The following GRHL2 variants were observed in gnomAD, a reference collection of about 807,000 sequenced individuals.
GRHL2 encodes the protein grainyhead-like protein 2 homolog.
In GRHL2, 21 loss-of-function variants were observed where a neutral mutation model predicts 83.8. That is an observed-to-expected ratio of 0.25 (90% CI 0.18 to 0.36). GRHL2 has a LOEUF of 0.36. GRHL2 is among the 10% of genes least tolerant of loss of function. GRHL2 has a pLI of 1.00. For synonymous variants in GRHL2, 280 were observed against 278.9 expected, an observed-to-expected ratio of 1.00 and a Z score of -0.04; for missense variants, 623 against 781.8, an observed-to-expected ratio of 0.80 and a Z score of 2.42.
At chr8:101,588,296 C>T (rs1018595039) in intron 7 of GRHL2, among the ~76,000 whole-genome samples, 1 of 152,166 alleles carries the variant, frequency 6.6e-6, no homozygotes, top group African/African-American at 2.4e-5. Flanking sequence ...TAAACTGTAA[C>T]GGCAACAGCA....
At chr8:101,631,263 T>A (rs2130397031) in intron 9 of GRHL2, among the ~76,000 whole-genome samples, 1 of 152,350 alleles carries the variant, frequency 6.6e-6, no homozygotes, top group South Asian at 2.1e-4. Context: ...ATAAATTTAA[T>A]GGGTCAATGA....
intron 1 of GRHL2, among the ~76,000 whole-genome samples, chr8:101,510,892 T>G (rs983052221): frequency 6.6e-6 from 1 of 152,058 alleles, no homozygotes; most frequent in Non-Finnish European, 1.5e-5. Flanking sequence ...GCCAGGAGTT[T>G]GAGGCCAGCC....
Position 101,594,906 on chromosome 8 carries a change from C to T in GRHL2, c.1004-4151C>T, listed in dbSNP as rs4734543. On this transcript the variant is annotated intron_variant, in intron 7 of 15. Transcript: ENST00000646743. ...AGAAATGTTGGTGATAAATAGTAAA[C>T]GAATAAATAAAATACTTGTACATGC... is the stretch of plus-strand genomic sequence containing the variant. Among the ~76,000 whole-genome samples, 624 of 152,064 alleles carry T rather than the reference C, an allele frequency of 4.1e-3. 5 individuals carry two copies. The highest frequency in any genetic ancestry group is 0.015 in the Admixed American group (223 of 15,284).
At chr8:101,580,427 C>T (rs1320358727) in intron 7 of GRHL2, among the ~76,000 whole-genome samples, 1 of 152,152 alleles carries the variant, frequency 6.6e-6, no homozygotes, top group African/African-American at 2.4e-5. Flanking sequence ...TGTGTTTGTA[C>T]CCATTAACCA....
At chr8:101,679,645 GA>G in the GRHL2 span, among the ~76,000 whole-genome samples, 4 of 151,516 alleles carry the variant, frequency 2.6e-5, no homozygotes, top group Non-Finnish European at 5.9e-5. Flanking sequence ...AAGTTGAAAT[GA>G]AGGAAAAAAT....
At chr8:101,674,949 G>C in the GRHL2 span, among the ~76,000 whole-genome samples, 1 of 152,074 alleles carries the variant, frequency 6.6e-6, no homozygotes, top group Non-Finnish European at 1.5e-5. Flanking sequence ...CAGAACCAAG[G>C]ACAAAAACCA....
intron 11 of GRHL2, among the ~76,000 whole-genome samples, chr8:101,633,692 A>G (rs1236075827): frequency 6.6e-6 from 1 of 152,126 alleles, no homozygotes; most frequent in Non-Finnish European, 1.5e-5. Context: ...AGGGAGGAAG[A>G]ATTTTATAAT....
At chr8:101,630,570 G>A (rs2130395270) in intron 9 of GRHL2, among the ~76,000 whole-genome samples, 1 of 152,248 alleles carries the variant, frequency 6.6e-6, no homozygotes, top group South Asian at 2.1e-4. Context: ...ATGATTTGGG[G>A]ACAATTTCGG....
chr8:101,509,557 C>A (rs1326021365), intron 1 of GRHL2, among the ~76,000 whole-genome samples: 1 of 152,110 alleles, frequency 6.6e-6, no homozygotes, highest in Non-Finnish European at 1.5e-5. Context: ...GAGCCAGCTG[C>A]TTTAATCAGG....
intron 5 of GRHL2, among the ~76,000 whole-genome samples, 199 bp downstream of exon 5, chr8:101,570,593 C>T (rs889466933): frequency 2.6e-5 from 4 of 152,170 alleles, no homozygotes; most frequent in Non-Finnish European, 5.9e-5. Context: ...CTGGGACCTA[C>T]ACCCCTTTTC....
At chr8:101,586,792 G>A (rs944274089) in intron 7 of GRHL2, among the ~76,000 whole-genome samples, 1 of 152,168 alleles carries the variant, frequency 6.6e-6, no homozygotes, top group African/African-American at 2.4e-5. Flanking sequence ...GCAGGCCTGT[G>A]CCTGGTTCAC....
intron 8 of GRHL2, among the ~76,000 whole-genome samples, chr8:101,615,332 G>C (rs1016731352): frequency 6.6e-6 from 1 of 152,186 alleles, no homozygotes; most frequent in Non-Finnish European, 1.5e-5. Flanking sequence ...GAGCTGATAA[G>C]GCCACATTTA....
chr8:101,632,142 A>C, intron 10 of GRHL2, 84 bp from the exon 11 acceptor site: 1 of 1,460,282 alleles, frequency 6.8e-7, no homozygotes, highest in Non-Finnish European at 9.6e-7. Context: ...TCATATGAGA[A>C]AATCGTGGAC....
At chr8:101,541,339 G>A (rs556037819) in intron 1 of GRHL2, among the ~76,000 whole-genome samples, 4 of 152,078 alleles carry the variant, frequency 2.6e-5, no homozygotes, top group African/African-American at 9.6e-5. Context: ...TAAATACCTA[G>A]CGATGGGATT....
chr8:101,555,068 C>T (rs1433139897), intron 3 of GRHL2, among the ~76,000 whole-genome samples: 1 of 152,190 alleles, frequency 6.6e-6, no homozygotes, highest in Non-Finnish European at 1.5e-5. Context: ...AATATTTTGA[C>T]TTGTATTCTT....
intron 9 of GRHL2, among the ~76,000 whole-genome samples, chr8:101,621,939 G>A (rs1586150929): frequency 6.6e-6 from 1 of 152,064 alleles, no homozygotes; most frequent in African/African-American, 2.4e-5. Context: ...AAAAAAGTAG[G>A]GGGATGGAAT....
Position 101,574,787 on chromosome 8 carries a change from C to T in GRHL2, c.891+963C>T, listed in dbSNP as rs183218027. Among the ~76,000 whole-genome samples the T allele has an allele frequency of 2.0e-5, 3 of 152,316 alleles. No individual in the cohort carries two copies. In the East Asian group the frequency reaches 5.8e-4, roughly 29 times the overall value. On this transcript the variant is annotated intron_variant, in intron 6 of 15. Coordinates refer to ENST00000646743, the MANE Select transcript of GRHL2 (RefSeq NM_024915.4). ...AAGACTGCGGTGAAGAATATGCCAT[C>T]ACAATAATAATAACAAGAGTCATAA...
chr8:101,524,887 G>GT (rs1378996685), intron 1 of GRHL2, among the ~76,000 whole-genome samples: 15 of 151,774 alleles, frequency 9.9e-5, no homozygotes, highest in Non-Finnish European at 2.2e-4. Flanking sequence ...ATAGAGTCTT[G>GT]TTTTTTCTAT....
downstream of GRHL2, among the ~76,000 whole-genome samples, chr8:101,671,601 C>T (rs1207224009): frequency 1.3e-5 from 2 of 152,196 alleles, no homozygotes. Flanking sequence ...GTAGGCTCCA[C>T]CTCTGGGGGC....
Sources: allele counts gnomAD v4.1 joint callset (sites outside exome capture counted in the v4.1 genomes callset), GRCh38; gene constraint gnomAD v4.1.1; transcripts MANE v1.5; gene names NCBI Gene and HGNC (gene_info 2026-07-23, HGNC 2026-07-21).